The following SH3D19 variants were observed in gnomAD, a reference collection of about 807,000 sequenced individuals.
SH3D19 encodes the protein SH3 domain-containing protein 19.
In SH3D19, 58 loss-of-function variants were observed where a neutral mutation model predicts 112.1. The observed-to-expected ratio is 0.52, with a 90% CI of 0.42 to 0.64. The LOEUF (loss-of-function observed/expected upper bound fraction) is 0.64. SH3D19 is among the 30% of genes least tolerant of loss of function. The pLI, the probability that SH3D19 is intolerant of heterozygous loss-of-function variation, is 0.00. For synonymous variants in SH3D19, 391 were observed against 448.5 expected (o/e 0.87, Z 1.62); for missense variants, 1,090 against 1,263.4 (o/e 0.86, Z 2.08).
intron 1 of SH3D19, among the ~76,000 whole-genome samples, chr4:151,250,546 C>CA (rs1303496426): frequency 6.6e-6 from 1 of 151,976 alleles, no homozygotes; most frequent in Non-Finnish European, 1.5e-5. Context: ...ATGATGCTCA[C>CA]AAACAACCCA....
chr4:151,177,091 G>T, intron 4 of SH3D19, 136 bp from the exon 5 acceptor site: 2 of 667,132 alleles, frequency 3.0e-6, no homozygotes, highest in Non-Finnish European at 4.2e-6. Flanking sequence ...GAAATGACCT[G>T]TCAGGCCTGG....
intron 1 of SH3D19, chr4:151,282,124 A>G: frequency 6.2e-7 from 1 of 1,611,184 alleles, no homozygotes; most frequent in Non-Finnish European, 8.5e-7. Flanking sequence ...GGCCATAAGC[A>G]GGCCTCCTTT....
intron 1 of SH3D19, among the ~76,000 whole-genome samples, chr4:151,313,629 G>C (rs961459388): frequency 1.3e-5 from 2 of 151,986 alleles, no homozygotes; most frequent in South Asian, 2.1e-4. Context: ...TGTTGCCCAG[G>C]CTGTGCACAT....
chr4:151,284,438 A>T (rs527706906), intron 1 of SH3D19, among the ~76,000 whole-genome samples: 7 of 152,292 alleles, frequency 4.6e-5, no homozygotes, highest in Non-Finnish European at 7.3e-5. Flanking sequence ...TCATCCACAT[A>T]TACTTTCTAC....
chr4:151,318,461 A>C (rs561387726), intron 1 of SH3D19, among the ~76,000 whole-genome samples: 5 of 152,202 alleles, frequency 3.3e-5, no homozygotes, highest in Middle Eastern at 3.2e-3. Context: ...TCCAAGAGAT[A>C]CATGAATGCC....
chr4:151,211,515 C>T (rs1019811150), intron 2 of SH3D19, among the ~76,000 whole-genome samples: 2 of 150,142 alleles, frequency 1.3e-5, no homozygotes, highest in Non-Finnish European at 2.9e-5. Flanking sequence ...GAAGGCAGGT[C>T]GAAAGCTGAG....
intron 2 of SH3D19, among the ~76,000 whole-genome samples, chr4:151,200,621 C>T (rs1390830210): frequency 6.6e-6 from 1 of 152,072 alleles, no homozygotes; most frequent in Non-Finnish European, 1.5e-5. Context: ...TTTACTTTAT[C>T]ATTTTATTGA....
At chr4:151,252,850 C>T (rs886986563) in intron 1 of SH3D19, among the ~76,000 whole-genome samples, 2 of 152,166 alleles carry the variant, frequency 1.3e-5, no homozygotes, top group Admixed American at 1.3e-4. Flanking sequence ...ATGGAGTCAT[C>T]CTTGGCTCCT....
chr4:151,164,364 T>C (rs1015270953), intron 8 of SH3D19, among the ~76,000 whole-genome samples: 1 of 152,202 alleles, frequency 6.6e-6, no homozygotes, highest in African/African-American at 2.4e-5. Flanking sequence ...TGTGTGTGTG[T>C]ACACATACAC....
intron 1 of SH3D19, chr4:151,283,386 T>C (rs2150010296): frequency 1.9e-6 from 2 of 1,049,006 alleles, no homozygotes; most frequent in East Asian, 2.4e-5. Context: ...AGTCAGGAGA[T>C]GAGGGTTCTA....
intron 1 of SH3D19, among the ~76,000 whole-genome samples, chr4:151,289,934 C>T (rs1441583763): frequency 1.3e-5 from 2 of 152,010 alleles, no homozygotes; most frequent in African/African-American, 2.4e-5. Context: ...AAGAAAAAAC[C>T]GGTACACAAG....
intron 2 of SH3D19, among the ~76,000 whole-genome samples, chr4:151,208,230 G>T (rs1168891762): frequency 6.6e-6 from 1 of 152,214 alleles, no homozygotes; most frequent in African/African-American, 2.4e-5. Flanking sequence ...ATAATGAAAA[G>T]AAATTCCACT....
At chr4:151,273,922 G>C (rs1419216184) in intron 1 of SH3D19, among the ~76,000 whole-genome samples, 4 of 152,098 alleles carry the variant, frequency 2.6e-5, no homozygotes, top group Non-Finnish European at 5.9e-5. Context: ...TTTCTTCAAT[G>C]AAACGAGCTG....
At chr4:151,280,371 G>T (rs150027261) in intron 1 of SH3D19, among the ~76,000 whole-genome samples, 23 of 152,224 alleles carry the variant, frequency 1.5e-4, no homozygotes, top group African/African-American at 5.3e-4. Flanking sequence ...ACCAACGTGA[G>T]TTTGGACACA....
intron 1 of SH3D19, chr4:151,226,548 A>G: frequency 1.2e-6 from 1 of 835,970 alleles, no homozygotes; most frequent in Non-Finnish European, 1.4e-6. Context: ...AGACCAATAC[A>G]GCTTCACCCT....
At position 151,211,358 on chromosome 4, in the gene SH3D19, C is replaced by T. The variant is rs374550028; in HGVS notation, c.152+14689G>A. On this transcript the variant is annotated intron_variant, in intron 2 of 19. Transcript: ENST00000604030. ...ACTGGCAGTTCCCCCATCTTTTCCC[C>T]TCTCCTTGGGTCTCCTTATTCCCTA... is the stretch of plus-strand genomic sequence containing the variant. Among the ~76,000 whole-genome samples the T allele has an allele frequency of 3.0e-4, 46 of 152,204 alleles. No homozygotes were observed. The Middle Eastern group carries it at 0.01, about 34-fold the overall frequency.
At chr4:151,267,886 T>C (rs1490281208) in intron 1 of SH3D19, among the ~76,000 whole-genome samples, 1 of 152,052 alleles carries the variant, frequency 6.6e-6, no homozygotes, top group Non-Finnish European at 1.5e-5. Context: ...AGGAGATGAG[T>C]GCAGTCCAGG....
At chr4:151,240,745 G>A (rs1354682143) in intron 1 of SH3D19, among the ~76,000 whole-genome samples, 1 of 151,880 alleles carries the variant, frequency 6.6e-6, no homozygotes, top group Admixed American at 6.6e-5. Flanking sequence ...ATTATCAGAA[G>A]GTTAAACATG....
At chr4:151,203,576 C>T (rs1764691973) in intron 2 of SH3D19, among the ~76,000 whole-genome samples, 1 of 152,154 alleles carries the variant, frequency 6.6e-6, no homozygotes, top group African/African-American at 2.4e-5. Flanking sequence ...ATGCCAGCCC[C>T]ACCAACTTAT....
Sources: gnomAD v4.1 joint callset for allele counts (sites outside exome capture counted in the v4.1 genomes callset) on GRCh38, gnomAD v4.1.1 for gene constraint, MANE v1.5 for transcripts, NCBI Gene and HGNC (gene_info 2026-07-23, HGNC 2026-07-21) for gene names.